The following PITPNC1 variants were observed in gnomAD, a reference collection of about 807,000 sequenced individuals.
PITPNC1 encodes the protein cytoplasmic phosphatidylinositol transfer protein 1.
In PITPNC1, 18 loss-of-function variants were observed where a neutral mutation model predicts 44.7. The observed-to-expected ratio is 0.40, with a 90% CI of 0.28 to 0.60. The LOEUF (loss-of-function observed/expected upper bound fraction) is 0.60, where lower values mean the gene tolerates loss of function less well. Among genes scored for constraint, PITPNC1 ranks in the 20% least tolerant of loss-of-function variants. PITPNC1 has a pLI of 0.39. For missense variants in PITPNC1, 290 were observed against 418.4 expected (o/e 0.69, Z 2.68); for synonymous variants, 141 against 149.6 (o/e 0.94, Z 0.42).
At chr17:67,621,453 G>A (rs2642038) in intron 5 of PITPNC1, among the ~76,000 whole-genome samples, 4 of 151,948 alleles carry the variant, frequency 2.6e-5, no homozygotes, top group African/African-American at 4.8e-5. Context: ...AGTGATCCAC[G>A]TGCCTTGGCC....
chr17:67,425,203 GCACACACACACACACACACA>G (rs60705271), intron 1 of PITPNC1, among the ~76,000 whole-genome samples: 9,608 of 98,784 alleles, frequency 0.097, 1,065 homozygotes, highest in Middle Eastern at 0.18. Context: ...GCACGCACAC[GCACACACACACACACACACA>G]CACACACACA....
chr17:67,501,497 T>C (rs558891271), intron 1 of PITPNC1, among the ~76,000 whole-genome samples: 2 of 152,278 alleles, frequency 1.3e-5, no homozygotes, highest in South Asian at 2.1e-4. Context: ...CTTTTGGATG[T>C]TACCCTTTGG....
At chr17:67,503,628 T>C (rs2040064362) in intron 1 of PITPNC1, among the ~76,000 whole-genome samples, 1 of 152,180 alleles carries the variant, frequency 6.6e-6, no homozygotes, top group Non-Finnish European at 1.5e-5. Flanking sequence ...CACAAAGCGA[T>C]TACCCAGTAT....
At chr17:67,664,281 C>A (rs1346101210) in intron 6 of PITPNC1, among the ~76,000 whole-genome samples, 1 of 152,074 alleles carries the variant, frequency 6.6e-6, no homozygotes, top group Non-Finnish European at 1.5e-5. Flanking sequence ...CTTCCTATGG[C>A]ATAATAATAT....
At chr17:67,463,277 A>AG (rs755607578) in intron 1 of PITPNC1, among the ~76,000 whole-genome samples, 1 of 152,176 alleles carries the variant, frequency 6.6e-6, no homozygotes, top group Non-Finnish European at 1.5e-5. Context: ...ATTGGTGGGT[A>AG]GGGGGGATTG....
intron 8 of PITPNC1, chr17:67,686,929 A>G: frequency 1.6e-6 from 1 of 617,556 alleles, no homozygotes; most frequent in Non-Finnish European, 2.9e-6. Flanking sequence ...TTTATGACTT[A>G]CTCATCATAA....
At chr17:67,547,285 T>C (rs1182433937) in intron 2 of PITPNC1, among the ~76,000 whole-genome samples, 1 of 152,086 alleles carries the variant, frequency 6.6e-6, no homozygotes, top group Non-Finnish European at 1.5e-5. Context: ...GAGGCCGAGA[T>C]GGGAGGATTG....
At chr17:67,552,467 C>CTTT in intron 3 of PITPNC1, 122 bp downstream of exon 3, 3 of 499,442 alleles carry the variant, frequency 6.0e-6, no homozygotes, top group Non-Finnish European at 7.2e-6. Context: ...TAGTATCCCT[C>CTTT]TTTTTTTTTT....
chr17:67,624,937 G>A (rs1386576212), intron 5 of PITPNC1, among the ~76,000 whole-genome samples: 1 of 152,182 alleles, frequency 6.6e-6, no homozygotes, highest in Non-Finnish European at 1.5e-5. Flanking sequence ...ACAAAAAAGA[G>A]AAAATTACTC....
intron 1 of PITPNC1, among the ~76,000 whole-genome samples, chr17:67,486,003 T>C: frequency 6.6e-6 from 1 of 152,224 alleles, no homozygotes; most frequent in African/African-American, 2.4e-5. Flanking sequence ...GTATTAAAAT[T>C]TCTTCTGGTG....
At chr17:67,408,725 CCTTCCTTT>C (rs1163430734) in intron 1 of PITPNC1, 16 of 118,120 alleles carry the variant, frequency 1.4e-4, no homozygotes, top group South Asian at 8.9e-4. Flanking sequence ...TTCCTTCCTT[CCTTCCTTT>C]CTTTCTTTCT....
At chr17:67,497,018 C>T (rs969831261) in intron 1 of PITPNC1, among the ~76,000 whole-genome samples, 2 of 151,778 alleles carry the variant, frequency 1.3e-5, no homozygotes, top group Non-Finnish European at 2.9e-5. Flanking sequence ...CCCAGCTACT[C>T]GGGAGGCTGA....
intron 1 of PITPNC1, among the ~76,000 whole-genome samples, chr17:67,420,915 A>T (rs548115413): frequency 6.6e-6 from 1 of 152,292 alleles, no homozygotes; most frequent in African/African-American, 2.4e-5. Context: ...GGAATGTCTA[A>T]TGTGGGGGCA....
In PITPNC1 at chr17:67,494,185, T is replaced by TTTTCTTTCTTTCTTTCTTTC. The variant is rs1555657747; in HGVS notation, c.49-38605_49-38586dup. Among the ~76,000 whole-genome samples, 31 of 102,484 alleles carry TTTTCTTTCTTTCTTTCTTTC rather than the reference T, an allele frequency of 3.0e-4. 1 individual carries two copies. Among genetic ancestry groups the TTTTCTTTCTTTCTTTCTTTC allele is most frequent in the African/African-American group, 8.3e-4 (22 of 26,472 alleles). 67.2% of individuals were successfully genotyped at this position (102,484 alleles called of 152,430 possible). ...CCTCTTTCTTTCTTTCTTTCTTTCT[T>TTTTCTTTCTTTCTTTCTTTC]TTTCTTTCTTTCTTTCTTTCTTTCT... On this transcript the variant is annotated intron_variant, in intron 1 of 8. Coordinates refer to ENST00000581322, the MANE Select transcript of PITPNC1 (RefSeq NM_012417.4).
chr17:67,401,847 A>G (rs75251862), intron 1 of PITPNC1, among the ~76,000 whole-genome samples: 10 of 147,920 alleles, frequency 6.8e-5, no homozygotes, highest in Admixed American at 1.3e-4. Flanking sequence ...TACCTCAAAG[A>G]AAAAAAAAAA....
chr17:67,441,442 A>G (rs770444581), intron 1 of PITPNC1, among the ~76,000 whole-genome samples: 1 of 152,194 alleles, frequency 6.6e-6, no homozygotes, highest in Non-Finnish European at 1.5e-5. Flanking sequence ...CTATGTACAT[A>G]TCGTGTGAGA....
chr17:67,383,617 C>G (rs1389142126), intron 1 of PITPNC1, among the ~76,000 whole-genome samples: 2 of 152,232 alleles, frequency 1.3e-5, no homozygotes, highest in Non-Finnish European at 2.9e-5. Flanking sequence ...GTCTGAAGAT[C>G]ACCCTGCACC....
chr17:67,689,071 G>A (rs557478064), intron 8 of PITPNC1, among the ~76,000 whole-genome samples: 31 of 152,048 alleles, frequency 2.0e-4, no homozygotes, highest in Admixed American at 1.4e-3. Context: ...GCGTGGTGGC[G>A]CATGCCTGTA....
intron 4 of PITPNC1, among the ~76,000 whole-genome samples, chr17:67,570,538 G>T (rs2041039919): frequency 6.6e-6 from 1 of 152,218 alleles, no homozygotes; most frequent in African/African-American, 2.4e-5. Context: ...CGTCCACATT[G>T]CCTAGGAGGG....
Sources: allele counts gnomAD v4.1 joint callset (sites outside exome capture counted in the v4.1 genomes callset), GRCh38; gene constraint gnomAD v4.1.1; transcripts MANE v1.5; gene names NCBI Gene and HGNC (gene_info 2026-07-23, HGNC 2026-07-21).